The following CACNB4 variants were observed in gnomAD, a reference collection of about 807,000 sequenced individuals.
CACNB4 encodes calcium voltage-gated channel auxiliary subunit beta 4.
A neutral mutation model predicts 71.2 loss-of-function variants in CACNB4; 32 were observed. That is an observed-to-expected ratio of 0.45 (90% confidence interval 0.34 to 0.60). CACNB4 has a LOEUF of 0.60. CACNB4 is among the 20% of genes least tolerant of loss of function. The pLI is 0.01. For missense variants in CACNB4, 464 were observed against 647.9 expected (o/e 0.72, Z 3.08); for synonymous variants, 231 against 236.9 (o/e 0.97, Z 0.23).
chr2:151,980,857 C>G (rs1255990472), intron 2 of CACNB4, among the ~76,000 whole-genome samples: 1 of 152,126 alleles, frequency 6.6e-6, no homozygotes, highest in African/African-American at 2.4e-5. Flanking sequence ...GTCTTTATTT[C>G]AAGGGAAACA....
intron 2 of CACNB4, among the ~76,000 whole-genome samples, chr2:152,080,358 T>C (rs1041433186): frequency 2.6e-5 from 4 of 152,112 alleles, no homozygotes; most frequent in Non-Finnish European, 4.4e-5. Context: ...CCTGACCTCG[T>C]GATCCCCCTG....
chr2:152,069,504 T>C (rs1010986914), intron 2 of CACNB4, among the ~76,000 whole-genome samples: 2 of 114,786 alleles, frequency 1.7e-5, no homozygotes, highest in African/African-American at 3.4e-5. Context: ...AGAACACGCC[T>C]TTTTTTTTTT....
chr2:151,979,459 TA>T (rs754510100), intron 2 of CACNB4, among the ~76,000 whole-genome samples: 1,371 of 136,672 alleles, frequency 0.01, 10 homozygotes, highest in African/African-American at 0.02. Flanking sequence ...AAATTTCAGT[TA>T]AAAAAAAAAA....
chr2:151,959,998 A>G (rs889461984), intron 2 of CACNB4, among the ~76,000 whole-genome samples: 1 of 152,234 alleles, frequency 6.6e-6, no homozygotes, highest in African/African-American at 2.4e-5. Context: ...CACCGTTCTT[A>G]TAACACTGCA....
intron 2 of CACNB4, among the ~76,000 whole-genome samples, chr2:152,089,015 A>G (rs1687824271): frequency 6.6e-6 from 1 of 152,140 alleles, no homozygotes; most frequent in African/African-American, 2.4e-5. Flanking sequence ...TTGAATCTAT[A>G]ATTCAGCTTT....
At chr2:152,013,305 C>T (rs1421961465) in intron 2 of CACNB4, among the ~76,000 whole-genome samples, 2 of 152,122 alleles carry the variant, frequency 1.3e-5, no homozygotes, top group African/African-American at 2.4e-5. Context: ...ATACACAGGC[C>T]ATATGAGGAT....
At chr2:151,937,587 G>T (rs190159079) in intron 2 of CACNB4, among the ~76,000 whole-genome samples, 33 of 152,312 alleles carry the variant, frequency 2.2e-4, no homozygotes, top group African/African-American at 7.2e-4. Context: ...AGCTGGCAAG[G>T]TTTCTAAGGA....
At chr2:152,099,083 G>A (rs1337744127), upstream of CACNB4, 13 of 1,018,174 alleles carry the variant, frequency 1.3e-5, no homozygotes, top group Non-Finnish European at 1.5e-5. Flanking sequence ...CTGGGCTGCG[G>A]ACGGAGGGGG....
chr2:152,002,611 T>A (rs1377415531), intron 2 of CACNB4, among the ~76,000 whole-genome samples: 1 of 152,264 alleles, frequency 6.6e-6, no homozygotes, highest in Non-Finnish European at 1.5e-5. Context: ...AATTCACCTC[T>A]CTGAGACTTG....
rs569271176 is a variant in CACNB4, at chr2:151,836,151, G to A, written c.*2968C>T. 6 of 151,748 alleles carry A rather than the reference G, an allele frequency of 4.0e-5. No individual in the cohort carries two copies. Among genetic ancestry groups the A allele is most frequent in the East Asian group, 1.9e-4 (1 of 5,176 alleles). The allele number at this position is 151,748 out of a possible 1,614,324, so 9.4% of individuals were successfully genotyped here. A position where few individuals can be genotyped will look rare whatever the true frequency, so the allele number is the denominator to read the frequency against. On this transcript the variant is annotated 3_prime_UTR_variant, in exon 14 of 14. Transcript: ENST00000539935. The stretch of plus-strand genomic sequence containing the variant: ...ACATCAGGATTGACAAATTGCATTC[G>A]TTTTTTTCCAGAACTACATTTCCAC...
intron 2 of CACNB4, among the ~76,000 whole-genome samples, chr2:151,943,350 T>G (rs2099864744): frequency 6.6e-6 from 1 of 152,334 alleles, no homozygotes; most frequent in Admixed American, 6.5e-5. Context: ...CAAGCTTTGC[T>G]GAAAACATAA....
intron 13 of CACNB4, among the ~76,000 whole-genome samples, chr2:151,839,867 T>A (rs1364218990): frequency 6.6e-6 from 1 of 152,228 alleles, no homozygotes; most frequent in East Asian, 1.9e-4. Context: ...ATAAAATTAT[T>A]ATTTGTGCTG....
rs760844072 is a variant in CACNB4, at chr2:151,842,071, T to C, written c.1134A>G (p.Ile378Met). ...AQCPPEMFDV[I>M]LDENQLEDAC... Reference sequence around the variant, plus strand: ...CATCCTCAAGCTGATTTTCATCCAATATAACATCAAACATTTCCTGTAGAT... The same window carrying C: ...CATCCTCAAGCTGATTTTCATCCAACATAACATCAAACATTTCCTGTAGAT... Residue 378 changes from isoleucine to methionine, a missense_variant, in exon 13 of 14, where the codon ATA becomes ATG. Ile to Met is a conservative substitution (Grantham distance 10). Transcript: ENST00000539935. The C allele has an allele frequency of 6.2e-6, 10 of 1,613,830 alleles. No individual in the cohort carries two copies. The South Asian group carries it at 9.9e-5, about 16-fold the overall frequency.
chr2:152,010,763 G>T (rs79750554), intron 2 of CACNB4, among the ~76,000 whole-genome samples: 2 of 152,198 alleles, frequency 1.3e-5, no homozygotes, highest in Admixed American at 1.3e-4. Context: ...CCCAACCAGG[G>T]TCAATGATGG....
rs202063164 is a variant in CACNB4 at position 151,920,300 on chromosome 2, TTTC to T, written c.148-36933_148-36931del. Among the ~76,000 whole-genome samples, 228 of 132,086 alleles carry T rather than the reference TTTC, an allele frequency of 1.7e-3. 13 individuals carry two copies. The highest frequency in any genetic ancestry group is 5.5e-3 in the African/African-American group (191 of 34,480). 86.7% of individuals were successfully genotyped at this position (132,086 alleles called of 152,430 possible). A position where few individuals can be genotyped will look rare whatever the true frequency, so the allele number is the denominator to read the frequency against. ...TTTTTACTTTACCAGTCTAGAGTCT[TTTC>T]TTCTTCTTCTTCTTCTTTTTTTTTT... is the stretch of plus-strand genomic sequence containing the variant. On this transcript the variant is annotated intron_variant, in intron 2 of 13. Coordinates refer to ENST00000539935, the MANE Select transcript of CACNB4 (RefSeq NM_000726.5).
chr2:152,020,996 T>A (rs1171687371), intron 2 of CACNB4, among the ~76,000 whole-genome samples: 1 of 152,176 alleles, frequency 6.6e-6, no homozygotes, highest in East Asian at 1.9e-4. Context: ...TTCACACCTG[T>A]AATCCCAGCA....
intron 2 of CACNB4, among the ~76,000 whole-genome samples, chr2:152,092,610 T>C (rs35807334): frequency 0.17 from 26,245 of 152,024 alleles, 3,017 homozygotes; most frequent in East Asian, 0.56. Context: ...CATTATTCTG[T>C]AACTTACTTT....
chr2:151,944,858 G>A (rs1161458784), intron 2 of CACNB4, among the ~76,000 whole-genome samples: 1 of 152,164 alleles, frequency 6.6e-6, no homozygotes, highest in Non-Finnish European at 1.5e-5. Flanking sequence ...AAGAGGAGGA[G>A]GAGGACTAGA....
chr2:151,959,270 T>G (rs948780133), intron 2 of CACNB4, among the ~76,000 whole-genome samples: 1 of 152,234 alleles, frequency 6.6e-6, no homozygotes, highest in Non-Finnish European at 1.5e-5. Context: ...ATTAAATACA[T>G]GGAGGTGAGG....
Sources: allele counts gnomAD v4.1 joint callset (sites outside exome capture counted in the v4.1 genomes callset), GRCh38; gene constraint gnomAD v4.1.1; transcripts MANE v1.5; gene names NCBI Gene and HGNC (gene_info 2026-07-23, HGNC 2026-07-21).